The following JDP2 variants were observed in gnomAD, a reference collection of about 807,000 sequenced individuals.
The protein encoded by JDP2 is progesterone receptor co-activator.
Under a neutral mutation model 17.1 loss-of-function variants are expected in JDP2, and 9 were observed. That is an observed-to-expected ratio of 0.53 (90% CI 0.32 to 0.92). The LOEUF (loss-of-function observed/expected upper bound fraction) is 0.92, where lower values mean the gene tolerates loss of function less well. Among genes scored for constraint, JDP2 ranks in the 40% least tolerant of loss-of-function variants. The pLI, the probability that JDP2 is intolerant of heterozygous loss-of-function variation, is 0.04. For synonymous variants in JDP2, 107 were observed against 95.6 expected (o/e 1.12, Z -0.69); for missense variants, 179 against 220.0 (o/e 0.81, Z 1.18).
Position 75,471,604 on chromosome 14 carries a change from GA to G in JDP2, c.*2131del, listed in dbSNP as rs1042720611. 2.0e-5 allele frequency: 3 copies of G among 152,238 alleles called. No homozygotes were observed. Among genetic ancestry groups the G allele is most frequent in the African/African-American group, 7.2e-5 (3 of 41,444 alleles). The allele number at this position is 152,238 out of a possible 1,614,324, so 9.4% of individuals were successfully genotyped here. A position where few individuals can be genotyped will look rare whatever the true frequency, so the allele number is the denominator to read the frequency against. ...GCCTTCTGGGATGGGCAGAAGTGGA[GA>G]ATGGTGATTAACACACCTGTGATCC... On this transcript the variant is annotated 3_prime_UTR_variant, in exon 4 of 4. Coordinates refer to ENST00000651602, the MANE Select transcript of JDP2 (RefSeq NM_001135048.2).
chr14:75,463,369 C>T (rs759948130), intron 3 of JDP2, among the ~76,000 whole-genome samples: 6 of 152,194 alleles, frequency 3.9e-5, no homozygotes, highest in Non-Finnish European at 7.3e-5. Context: ...GAGTGGTGGG[C>T]TTGGATGTAT....
At chr14:75,453,325 G>T (rs1238640229) in intron 2 of JDP2, among the ~76,000 whole-genome samples, 2 of 152,202 alleles carry the variant, frequency 1.3e-5, no homozygotes, top group Admixed American at 1.3e-4. Flanking sequence ...GGGGGCCCTG[G>T]TGGGCCTGGC....
At position 75,453,539 on chromosome 14, in the gene JDP2, C is replaced by CAGGG. The variant is rs1400307334; in HGVS notation, c.202-7885_202-7882dup. Among the ~76,000 whole-genome samples, 6 of 152,260 alleles carry CAGGG rather than the reference C, an allele frequency of 3.9e-5. 1 individual carries two copies. On this transcript the variant is annotated intron_variant, in intron 2 of 3. Transcript: ENST00000651602. ...CCTCCGCCTTGCCTGCGAAGGAAGGCAGGGAAGCTGGCATCACGGAACTCT... is the reference window on the plus strand; with the variant it reads ...CCTCCGCCTTGCCTGCGAAGGAAGGCAGGGAGGGAAGCTGGCATCACGGAACTCT...
chr14:75,458,183 T>C (rs1886198895), intron 2 of JDP2, among the ~76,000 whole-genome samples: 1 of 152,168 alleles, frequency 6.6e-6, no homozygotes. Context: ...TTTTTTAACT[T>C]TTAAGTTCAG....
chr14:75,452,887 T>A (rs1296011968), intron 2 of JDP2, among the ~76,000 whole-genome samples: 1 of 152,208 alleles, frequency 6.6e-6, no homozygotes, highest in Admixed American at 6.5e-5. Context: ...CTGAAACAGC[T>A]CAATATTTCA....
chr14:75,440,394 G>A (rs1352427299), intron 2 of JDP2, among the ~76,000 whole-genome samples: 2 of 152,196 alleles, frequency 1.3e-5, no homozygotes, highest in Non-Finnish European at 2.9e-5. Context: ...AAGCGGGGTG[G>A]GGAAAGAAAC....
At chr14:75,468,627 A>G (rs1423695788) in intron 3 of JDP2, among the ~76,000 whole-genome samples, 1 of 152,210 alleles carries the variant, frequency 6.6e-6, no homozygotes, top group Admixed American at 6.5e-5. Context: ...CTCAAGGTCT[A>G]TTGGAAACCT....
chr14:75,438,190 G>A, intron 2 of JDP2, 69 bp downstream of exon 2: 1 of 1,254,528 alleles, frequency 8.0e-7, no homozygotes. Flanking sequence ...CCTTAACCTT[G>A]CTGTTCAAAG....
chr14:75,434,736 G>A (rs928695467), intron 1 of JDP2, among the ~76,000 whole-genome samples: 3 of 152,090 alleles, frequency 2.0e-5, no homozygotes, highest in Non-Finnish European at 2.9e-5. Context: ...GAGATGGAAG[G>A]CTTAGGCAGG....
chr14:75,453,318 G>T (rs559113918), intron 2 of JDP2, among the ~76,000 whole-genome samples: 11 of 152,192 alleles, frequency 7.2e-5, no homozygotes, highest in South Asian at 4.1e-4. Flanking sequence ...ATGCAGGGGG[G>T]GCCCTGGTGG....
chr14:75,440,387 C>T (rs574237567), intron 2 of JDP2, among the ~76,000 whole-genome samples: 2 of 152,260 alleles, frequency 1.3e-5, no homozygotes, highest in African/African-American at 2.4e-5. Flanking sequence ...AAACCTAAAG[C>T]GGGGTGGGGA....
At position 75,433,216 on chromosome 14, in the gene JDP2, A is replaced by G. The variant is rs1460618648; in HGVS notation, c.-23-4682A>G. 5.6e-4 allele frequency among the ~76,000 whole-genome samples: 82 copies of G among 146,022 alleles called. 1 individual carries two copies. Among genetic ancestry groups the G allele is most frequent in the African/African-American group, 1.9e-3 (76 of 39,464 alleles). On this transcript the variant is annotated intron_variant, in intron 1 of 3. Coordinates refer to ENST00000651602, the MANE Select transcript of JDP2 (RefSeq NM_001135048.2). ...GTCTCAAAAAAAAAAAAAAAAAAAA[A>G]AAAAAAAATGTAAGGGGTTAGGTTG...
At chr14:75,441,561 G>A (rs1303505348) in intron 2 of JDP2, among the ~76,000 whole-genome samples, 2 of 152,154 alleles carry the variant, frequency 1.3e-5, no homozygotes, top group Non-Finnish European at 2.9e-5. Flanking sequence ...ATTAATACAC[G>A]ATATATAAGG....
intron 3 of JDP2, among the ~76,000 whole-genome samples, chr14:75,467,950 C>T (rs561827645): frequency 2.9e-4 from 44 of 152,240 alleles, no homozygotes; most frequent in Non-Finnish European, 5.9e-4. Flanking sequence ...CTCATGCTGC[C>T]ACCTCAGAGA....
chr14:75,445,085 T>TC (rs1230771387), intron 2 of JDP2: 2 of 984,946 alleles, frequency 2.0e-6, no homozygotes, highest in African/African-American at 3.5e-5. Context: ...CTTTGATGTT[T>TC]CCAGGTCCAC....
At chr14:75,461,285 G>A in intron 2 of JDP2, 141 bp from the exon 3 acceptor site, 1 of 652,900 alleles carries the variant, frequency 1.5e-6, no homozygotes, top group Non-Finnish European at 2.8e-6. Context: ...TCTCCAGGCA[G>A]TGGGCTGGCA....
At chr14:75,432,778 T>G (rs1294426336) in intron 1 of JDP2, among the ~76,000 whole-genome samples, 1 of 152,158 alleles carries the variant, frequency 6.6e-6, no homozygotes, top group Non-Finnish European at 1.5e-5. Flanking sequence ...TCTCTTAACC[T>G]GTTTCTTTTT....
At position 75,471,533 on chromosome 14, in the gene JDP2, T is replaced by C. The variant is rs536719215; in HGVS notation, c.*2058T>C. 3 of 152,374 alleles carry C rather than the reference T, an allele frequency of 2.0e-5. No homozygotes were observed. The highest frequency in any genetic ancestry group is 1.9e-4 in the East Asian group (1 of 5,192). 9.4% of individuals were successfully genotyped at this position (152,374 alleles called of 1,614,324 possible). Reference sequence around the variant, plus strand: ...ACTAGTTGCTGGTGATGACTTCGTGTCAAGAACAGCAGTGAACCTGGGTTG... The same window carrying C: ...ACTAGTTGCTGGTGATGACTTCGTGCCAAGAACAGCAGTGAACCTGGGTTG... On this transcript the variant is annotated 3_prime_UTR_variant, in exon 4 of 4. Coordinates refer to ENST00000651602, the MANE Select transcript of JDP2 (RefSeq NM_001135048.2).
Position 75,469,849 on chromosome 14 carries a change from G to T in JDP2, c.*374G>T. 5.8e-6 allele frequency: 1 copy of T among 173,396 alleles called. No individual in the cohort carries two copies. Among genetic ancestry groups the T allele is most frequent in the Non-Finnish European group, 1.2e-5 (1 of 81,706 alleles). The allele number at this position is 173,396 out of a possible 1,614,324, so 10.7% of individuals were successfully genotyped here. A position where few individuals can be genotyped will look rare whatever the true frequency, so the allele number is the denominator to read the frequency against. ...CACCCATCCAAGGAACCTCCGAACA[G>T]CCAGGAAAAGCCATGAGTTGCAACC... On this transcript the variant is annotated 3_prime_UTR_variant, in exon 4 of 4. Coordinates refer to ENST00000651602, the MANE Select transcript of JDP2 (RefSeq NM_001135048.2).
Sources: allele counts gnomAD v4.1 joint callset (sites outside exome capture counted in the v4.1 genomes callset), GRCh38; gene constraint gnomAD v4.1.1; transcripts MANE v1.5; gene names NCBI Gene and HGNC (gene_info 2026-07-23, HGNC 2026-07-21).